ASAP1: variants seen among roughly 807,000 people sequenced by gnomAD.
ASAP1 encodes ArfGAP with SH3 domain, ankyrin repeat and PH domain 1, also known as arf-GAP with SH3 domain, ANK repeat and PH domain-containing protein 1.
ASAP1 carries 43 observed loss-of-function variants against 145.2 expected under a neutral mutation model. The ratio of observed to expected loss-of-function variants is 0.30; its 90% CI spans 0.23 to 0.38. The LOEUF (loss-of-function observed/expected upper bound fraction) is 0.38. ASAP1 is among the 10% of genes least tolerant of loss of function. The pLI is 1.00. For synonymous variants in ASAP1, 546 were observed against 515.5 expected (o/e 1.06, Z -0.80); for missense variants, 1,018 against 1,355.3 (o/e 0.75, Z 3.91).
chr8:130,415,661 G>A (rs1171961093), intron 1 of ASAP1, among the ~76,000 whole-genome samples: 1 of 151,870 alleles, frequency 6.6e-6, no homozygotes, highest in Non-Finnish European at 1.5e-5. Flanking sequence ...GGTGGCAGGT[G>A]CCTGTAATCC....
chr8:130,122,310 C>G (rs969480454), intron 18 of ASAP1, among the ~76,000 whole-genome samples: 2 of 152,294 alleles, frequency 1.3e-5, no homozygotes, highest in African/African-American at 4.8e-5. Context: ...TCAGCACCTA[C>G]AAGACTGGCT....
intron 9 of ASAP1, 139 bp downstream of exon 9, chr8:130,179,125 T>G (rs1444070653): frequency 1.9e-6 from 1 of 529,904 alleles, no homozygotes; most frequent in Non-Finnish European, 3.4e-6. Flanking sequence ...CTATTTCTTA[T>G]CCATTTAGCT....
rs567187719 is a variant in ASAP1 at position 130,331,931 on chromosome 8, G to C, written c.186+26086C>G. 3.6e-4 allele frequency among the ~76,000 whole-genome samples: 55 copies of C among 152,284 alleles called. No individual in the cohort carries two copies. In the South Asian group the frequency reaches 6.2e-3, roughly 17 times the overall value. On this transcript the variant is annotated intron_variant, in intron 3 of 29. Coordinates refer to ENST00000518721, the MANE Select transcript of ASAP1 (RefSeq NM_018482.4). Reference sequence around the variant, plus strand: ...AGAGCAGATCCCCAAATATTTCTGTGTGAAGTCTCGGCCCAAGGTCTAGGT... The same window carrying C: ...AGAGCAGATCCCCAAATATTTCTGTCTGAAGTCTCGGCCCAAGGTCTAGGT...
chr8:130,413,102 G>A (rs1431703997), intron 1 of ASAP1, among the ~76,000 whole-genome samples: 2 of 152,204 alleles, frequency 1.3e-5, no homozygotes, highest in Non-Finnish European at 2.9e-5. Context: ...GCAAATACAG[G>A]ATGAGTATCT....
At chr8:130,171,102 A>G (rs1351649885) in intron 9 of ASAP1, among the ~76,000 whole-genome samples, 1 of 152,206 alleles carries the variant, frequency 6.6e-6, no homozygotes, top group East Asian at 1.9e-4. Flanking sequence ...TTAAAAGTTT[A>G]CGTTCTGACC....
At chr8:130,102,689 TTTGA>T (rs763871393) in intron 24 of ASAP1, among the ~76,000 whole-genome samples, 13 of 152,154 alleles carry the variant, frequency 8.5e-5, no homozygotes, top group Non-Finnish European at 1.6e-4. Flanking sequence ...TTCTTTACTA[TTTGA>T]TTGATTGATT....
At chr8:130,142,092 T>C (rs1010975040) in intron 13 of ASAP1, among the ~76,000 whole-genome samples, 3 of 152,196 alleles carry the variant, frequency 2.0e-5, no homozygotes, top group Non-Finnish European at 4.4e-5. Flanking sequence ...GTACTACCTG[T>C]GAGGGAAGTC....
At chr8:130,439,950 A>G (rs1188436974) in intron 1 of ASAP1, among the ~76,000 whole-genome samples, 1 of 152,174 alleles carries the variant, frequency 6.6e-6, no homozygotes, top group Admixed American at 6.5e-5. Context: ...GATTTTCTCC[A>G]TGAGCATAAT....
Position 130,321,485 on chromosome 8 carries a change from A to C in ASAP1, c.186+36532T>G, listed in dbSNP as rs1359874357. ...CTCTGGGACCTCAATTTCTACATTT[A>C]CAAAAAAGGAGAGAGATGTACTTAC... On this transcript the variant is annotated intron_variant, in intron 3 of 29. Coordinates refer to ENST00000518721, the MANE Select transcript of ASAP1 (RefSeq NM_018482.4). Among the ~76,000 whole-genome samples, 3 of 152,134 alleles carry C rather than the reference A, an allele frequency of 2.0e-5. No individual in the cohort carries two copies. In the East Asian group the frequency reaches 5.8e-4, roughly 29 times the overall value.
Position 130,060,882 on chromosome 8 carries a change from G to A in ASAP1, c.2889C>T (p.Pro963=), listed in dbSNP as rs781314525. Residue 963 remains proline (P), a synonymous_variant, in exon 28 of 30, where the codon CCC becomes CCT. Coordinates refer to ENST00000518721, the MANE Select transcript of ASAP1 (RefSeq NM_018482.4). ...GDLPPKPGEL[P]PKPQLGDLPP... The stretch of plus-strand genomic sequence containing the variant: ...GCAGGTCCCCCAGCTGTGGTTTGGG[G>A]GGCAGTTCTCCTGGCTTAGGCGGCA... The A allele has an allele frequency of 1.9e-6, 3 of 1,613,680 alleles. No individual in the cohort carries two copies. The highest frequency in any genetic ancestry group is 2.7e-5 in the African/African-American group (2 of 74,830).
intron 12 of ASAP1, among the ~76,000 whole-genome samples, chr8:130,155,525 C>T (rs969306296): frequency 6.6e-6 from 1 of 152,206 alleles, no homozygotes; most frequent in Admixed American, 6.5e-5. Context: ...TGCCACTACG[C>T]CTGGCTAATT....
At chr8:130,159,235 T>C (rs990424127) in intron 12 of ASAP1, among the ~76,000 whole-genome samples, 14 of 152,076 alleles carry the variant, frequency 9.2e-5, no homozygotes, top group Non-Finnish European at 2.1e-4. Flanking sequence ...TTTTGCCAGA[T>C]TGGCTATAAT....
chr8:130,072,820 T>TGTGTGTGTGTGTGTGTGTGC (rs1554816346), intron 27 of ASAP1, among the ~76,000 whole-genome samples: 2 of 22,086 alleles, frequency 9.1e-5, no homozygotes, highest in South Asian at 2.2e-3. Flanking sequence ...TGTGTGTGTG[T>TGTGTGTGTGTGTGTGTGTGC]GTGTGCGCGC....
At chr8:130,396,306 T>C (rs905794549) in intron 2 of ASAP1, among the ~76,000 whole-genome samples, 10 of 152,216 alleles carry the variant, frequency 6.6e-5, no homozygotes, top group African/African-American at 2.2e-4. Flanking sequence ...GTCTTATTCA[T>C]GTATTTCCCC....
chr8:130,260,663 C>T (rs1819838986), intron 3 of ASAP1, among the ~76,000 whole-genome samples: 2 of 151,934 alleles, frequency 1.3e-5, no homozygotes, highest in Non-Finnish European at 2.9e-5. Context: ...GCAAGTAAGT[C>T]CCTCAGCTCA....
intron 13 of ASAP1, among the ~76,000 whole-genome samples, chr8:130,142,357 A>T (rs932936891): frequency 6.6e-6 from 1 of 152,204 alleles, no homozygotes; most frequent in Non-Finnish European, 1.5e-5. Flanking sequence ...AGCTCCAAAG[A>T]TTAATTTCTA....
At chr8:130,227,129 G>A (rs1817628680) in intron 4 of ASAP1, among the ~76,000 whole-genome samples, 1 of 152,150 alleles carries the variant, frequency 6.6e-6, no homozygotes, top group Non-Finnish European at 1.5e-5. Context: ...CTGAGCTTTA[G>A]CTTCTTGGCT....
At chr8:130,366,643 T>TG (rs1826962040) in intron 2 of ASAP1, among the ~76,000 whole-genome samples, 2 of 152,314 alleles carry the variant, frequency 1.3e-5, no homozygotes, top group Admixed American at 1.3e-4. Flanking sequence ...TCAGATTACC[T>TG]GGGGTTCAAT....
intron 2 of ASAP1, among the ~76,000 whole-genome samples, chr8:130,359,558 A>G (rs1181374054): frequency 3.3e-5 from 5 of 151,672 alleles, no homozygotes; most frequent in African/African-American, 1.2e-4. Context: ...GTCCTCTGCG[A>G]CACACACCCA....
Sources: gnomAD v4.1 joint callset for allele counts (sites outside exome capture counted in the v4.1 genomes callset) on GRCh38, gnomAD v4.1.1 for gene constraint, MANE v1.5 for transcripts, NCBI Gene and HGNC (gene_info 2026-07-23, HGNC 2026-07-21) for gene names.